ANKFN1: variants seen among roughly 807,000 people sequenced by gnomAD.
The protein encoded by ANKFN1 is ankyrin repeat and fibronectin type-III domain-containing protein 1.
ANKFN1 carries 74 observed loss-of-function variants against 108.7 expected under a neutral mutation model. The ratio of observed to expected loss-of-function variants is 0.68; its 90% CI spans 0.56 to 0.83. ANKFN1 has a LOEUF of 0.83. Ranked by LOEUF, ANKFN1 falls within the 40% of genes least tolerant of loss-of-function variation. The pLI, the probability that ANKFN1 is intolerant of heterozygous loss-of-function variation, is 0.00. For synonymous variants in ANKFN1, 547 were observed against 516.2 expected (o/e 1.06, Z -0.81); for missense variants, 1,505 against 1,382.3 (o/e 1.09, Z -1.41).
chr17:56,338,834 G>T (rs1342469176), intron 4 of ANKFN1, among the ~76,000 whole-genome samples: 2 of 152,040 alleles, frequency 1.3e-5, no homozygotes, highest in Non-Finnish European at 2.9e-5. Context: ...GCAAGTTAGT[G>T]AAAACCAGTA....
chr17:56,456,925 C>A lies in ANKFN1; in HGVS notation c.1272C>A (p.Phe424Leu). ...QSVSRSLKHLFHSSNKFVKTL... is the reference protein window; with the variant it reads ...QSVSRSLKHLLHSSNKFVKTL... The stretch of plus-strand genomic sequence containing the variant: ...TCTCAAGAAGCCTGAAACACCTGTT[C>A]CATTCCTCGAACAAGTTTGTGAAGA... Residue 424 changes from phenylalanine (F) to leucine (L), a missense_variant, in exon 12 of 21, where the codon TTC becomes TTA. Phe to Leu is a conservative substitution (Grantham distance 22). Coordinates refer to ENST00000682825, the MANE Select transcript of ANKFN1 (RefSeq NM_001370326.1). 6.2e-7 allele frequency: 1 copy of A among 1,614,058 alleles called. No homozygotes were observed. The highest frequency in any genetic ancestry group is 8.5e-7 in the Non-Finnish European group (1 of 1,179,978).
intron 1 of ANKFN1, chr17:56,174,533 C>A: frequency 1.9e-6 from 1 of 519,372 alleles, no homozygotes; most frequent in Non-Finnish European, 2.5e-6. Context: ...GCCTCTCCCC[C>A]TTCTCACCAT....
chr17:56,171,136 A>G (rs1201539374), intron 1 of ANKFN1, among the ~76,000 whole-genome samples: 1 of 152,010 alleles, frequency 6.6e-6, no homozygotes, highest in African/African-American at 2.4e-5. Flanking sequence ...AATGCATAAC[A>G]TGGGAAATGG....
chr17:56,218,106 A>G (rs2143845948), intron 2 of ANKFN1, among the ~76,000 whole-genome samples: 1 of 151,780 alleles, frequency 6.6e-6, no homozygotes, highest in East Asian at 1.9e-4. Context: ...CAACCACCCC[A>G]TTCTCCAGGC....
intron 8 of ANKFN1, among the ~76,000 whole-genome samples, chr17:56,408,187 G>A (rs765137254): frequency 2.0e-5 from 3 of 151,864 alleles, no homozygotes; most frequent in African/African-American, 4.8e-5. Context: ...TGCCCACCTC[G>A]GCCTCCCAAA....
intron 1 of ANKFN1, among the ~76,000 whole-genome samples, chr17:56,210,204 T>C (rs12602509): frequency 0.31 from 47,682 of 152,124 alleles, 9,060 homozygotes; most frequent in East Asian, 0.51. Flanking sequence ...GCTATAAACA[T>C]GCATGTACAA....
At chr17:56,286,861 A>ATATGTGTAT (rs1460162352) in intron 3 of ANKFN1, among the ~76,000 whole-genome samples, 1 of 152,170 alleles carries the variant, frequency 6.6e-6, no homozygotes, top group Non-Finnish European at 1.5e-5. Flanking sequence ...ATGTATACAT[A>ATATGTGTAT]TATGTGTATA....
chr17:56,324,022 C>T (rs533065660), intron 3 of ANKFN1, among the ~76,000 whole-genome samples: 8 of 152,170 alleles, frequency 5.3e-5, no homozygotes, highest in African/African-American at 9.6e-5. Flanking sequence ...CAAGGCTGTA[C>T]GGGAGTTAGC....
intron 3 of ANKFN1, among the ~76,000 whole-genome samples, chr17:56,311,489 T>A (rs982868493): frequency 6.6e-6 from 1 of 152,256 alleles, no homozygotes; most frequent in African/African-American, 2.4e-5. Flanking sequence ...GAGTACGTTA[T>A]ATTTTCACTG....
At chr17:56,301,571 A>G (rs1053274942) in intron 3 of ANKFN1, among the ~76,000 whole-genome samples, 1 of 152,218 alleles carries the variant, frequency 6.6e-6, no homozygotes, top group Non-Finnish European at 1.5e-5. Context: ...ACAAAGCTGC[A>G]AATAAGAGAT....
Position 56,449,129 on chromosome 17 carries a change from G to A in ANKFN1, c.1150G>A (p.Val384Ile). Residue 384 changes from valine to isoleucine, a missense_variant, in exon 11 of 21, where the codon GTT becomes ATT. Val to Ile is a conservative substitution (Grantham distance 29, BLOSUM62 3). Coordinates refer to ENST00000682825, the MANE Select transcript of ANKFN1 (RefSeq NM_001370326.1). ...REPRHKGQSE[V>I]LEGLLQQVRA... Reference sequence around the variant, plus strand: ...GCCCAGACACAAGGGACAGAGTGAAGTTTTGGAAGGTCTGCTGCAGCAGGT... The same window carrying A: ...GCCCAGACACAAGGGACAGAGTGAAATTTTGGAAGGTCTGCTGCAGCAGGT... The A allele has an allele frequency of 6.2e-7, 1 of 1,613,646 alleles. No homozygotes were observed. Among genetic ancestry groups the A allele is most frequent in the East Asian group, 2.2e-5 (1 of 44,840 alleles).
chr17:56,304,125 C>T (rs2044749676), intron 3 of ANKFN1, among the ~76,000 whole-genome samples: 1 of 152,116 alleles, frequency 6.6e-6, no homozygotes, highest in Admixed American at 6.5e-5. Flanking sequence ...AATCCTTTAA[C>T]TTGCCATTTT....
At chr17:56,058,583 C>G (rs930328184) in intron 4 of ANKFN1, among the ~76,000 whole-genome samples, 1 of 151,678 alleles carries the variant, frequency 6.6e-6, no homozygotes, top group East Asian at 1.9e-4. Context: ...AGTTCCCTCC[C>G]CTTGCCCCCT....
chr17:56,213,250 C>T lies in ANKFN1; in HGVS notation c.12+571C>T, dbSNP rs746870426. 8.5e-5 allele frequency among the ~76,000 whole-genome samples: 13 copies of T among 152,262 alleles called. No individual in the cohort carries two copies. The East Asian group carries it at 1.7e-3, about 20-fold the overall frequency. The stretch of plus-strand genomic sequence containing the variant: ...CCAGAGCAATGTGACTCAACCATCC[C>T]GTCACAGGCTGAAAAGCTGGCCCCA... On this transcript the variant is annotated intron_variant, in intron 2 of 20. Coordinates refer to ENST00000682825, the MANE Select transcript of ANKFN1 (RefSeq NM_001370326.1).
chr17:56,186,613 A>G (rs1054758544), intron 1 of ANKFN1, among the ~76,000 whole-genome samples: 2 of 152,238 alleles, frequency 1.3e-5, no homozygotes, highest in African/African-American at 4.8e-5. Context: ...TTGGCACAGG[A>G]AATGACTTAT....
At chr17:56,218,699 T>A (rs73991452) in intron 2 of ANKFN1, among the ~76,000 whole-genome samples, 191 of 152,270 alleles carry the variant, frequency 1.3e-3, no homozygotes, top group African/African-American at 4.4e-3. Context: ...TCACCATGTG[T>A]TTCCCTCAAA....
chr17:56,211,039 C>G (rs1010517531), intron 1 of ANKFN1, among the ~76,000 whole-genome samples: 1 of 152,030 alleles, frequency 6.6e-6, no homozygotes, highest in East Asian at 1.9e-4. Flanking sequence ...AGATTTTATC[C>G]CACTCTGTGG....
intron 3 of ANKFN1, among the ~76,000 whole-genome samples, chr17:56,289,272 T>C (rs75173480): frequency 0.045 from 6,824 of 152,236 alleles, 518 homozygotes; most frequent in African/African-American, 0.16. Flanking sequence ...TTTAGAGTCC[T>C]AGAAGTTGCT....
chr17:56,367,575 A>G (rs888644425), intron 6 of ANKFN1, among the ~76,000 whole-genome samples: 1 of 152,214 alleles, frequency 6.6e-6, no homozygotes, highest in Non-Finnish European at 1.5e-5. Flanking sequence ...TTCAGGAGCC[A>G]CTGAGTGGTC....
Sources: gnomAD v4.1 joint callset for allele counts (sites outside exome capture counted in the v4.1 genomes callset) on GRCh38, gnomAD v4.1.1 for gene constraint, MANE v1.5 for transcripts, NCBI Gene and HGNC (gene_info 2026-07-23, HGNC 2026-07-21) for gene names.